Variants in ASTN2 observed in about 807,000 individuals in gnomAD.
ASTN2 encodes astrotactin 2, also known as astrotactin-2.
ASTN2 carries 54 observed loss-of-function variants against 139.8 expected under a neutral mutation model. The ratio of observed to expected loss-of-function variants is 0.39; its 90% confidence interval spans 0.31 to 0.48. ASTN2 has a LOEUF of 0.48. Ranked by LOEUF, ASTN2 falls within the 20% of genes least tolerant of loss-of-function variation. The pLI, the probability that ASTN2 is intolerant of heterozygous loss-of-function variation, is 0.95. For missense variants in ASTN2, 1,565 were observed against 1,725.1 expected (o/e 0.91, Z 1.64); for synonymous variants, 756 against 719.5 (o/e 1.05, Z -0.81).
At chr9:116,437,578 A>G in intron 22 of ASTN2, 2 of 471,102 alleles carry the variant, frequency 4.2e-6, no homozygotes, top group Non-Finnish European at 8.8e-6. Context: ...AGGCTCATAA[A>G]GGATTCCAGG....
chr9:116,976,593 C>T, intron 8 of ASTN2, 108 bp downstream of exon 8: 1 of 912,656 alleles, frequency 1.1e-6, no homozygotes, highest in Non-Finnish European at 1.7e-6. Context: ...ACTACTGTTG[C>T]AGAGAAAGAG....
intron 6 of ASTN2, among the ~76,000 whole-genome samples, chr9:117,034,927 A>G (rs1838340279): frequency 6.6e-6 from 1 of 152,178 alleles, no homozygotes; most frequent in Non-Finnish European, 1.5e-5. Flanking sequence ...GACAAGTGCT[A>G]TGTCATAATG....
chr9:116,437,269 A>G (rs977031143), intron 22 of ASTN2: 1 of 470,432 alleles, frequency 2.1e-6, no homozygotes, highest in African/African-American at 2.0e-5. Context: ...GAGGGCCAGA[A>G]AGCGGCAGAG....
chr9:117,397,962 G>A (rs1830719911), intron 1 of ASTN2, among the ~76,000 whole-genome samples: 1 of 152,194 alleles, frequency 6.6e-6, no homozygotes, highest in Non-Finnish European at 1.5e-5. Context: ...GCTGAGTTCA[G>A]TTTCTTCTAC....
chr9:117,259,094 C>A (rs560164234), intron 2 of ASTN2, among the ~76,000 whole-genome samples: 108 of 152,248 alleles, frequency 7.1e-4, no homozygotes, highest in African/African-American at 2.6e-3. Context: ...TTCCACCCTC[C>A]CAGTACCTCT....
intron 5 of ASTN2, among the ~76,000 whole-genome samples, chr9:117,085,246 T>C (rs1013040666): frequency 6.6e-6 from 1 of 152,172 alleles, no homozygotes; most frequent in Non-Finnish European, 1.5e-5. Flanking sequence ...TTCTAGAAAA[T>C]GGTCTTTGAA....
chr9:116,903,282 T>C (rs946764298), intron 10 of ASTN2, among the ~76,000 whole-genome samples: 3 of 152,214 alleles, frequency 2.0e-5, no homozygotes, highest in Non-Finnish European at 4.4e-5. Flanking sequence ...TTTACCTGTT[T>C]ATCATGCTAT....
At chr9:116,553,309 T>C (rs1472725929) in intron 19 of ASTN2, among the ~76,000 whole-genome samples, 1 of 152,166 alleles carries the variant, frequency 6.6e-6, no homozygotes, top group South Asian at 2.1e-4. Flanking sequence ...GGTGCAACTT[T>C]AGATGTTTAT....
At chr9:116,796,856 G>T (rs1165665963) in intron 13 of ASTN2, among the ~76,000 whole-genome samples, 2 of 152,102 alleles carry the variant, frequency 1.3e-5, no homozygotes, top group Non-Finnish European at 2.9e-5. Context: ...GTGTCACCCA[G>T]GCTGGAATGC....
At chr9:117,269,908 G>T (rs1834024468) in intron 2 of ASTN2, among the ~76,000 whole-genome samples, 1 of 152,172 alleles carries the variant, frequency 6.6e-6, no homozygotes, top group African/African-American at 2.4e-5. Context: ...GAGGCACTGT[G>T]CCACAAATTT....
intron 16 of ASTN2, among the ~76,000 whole-genome samples, chr9:116,704,889 A>T (rs1827951509): frequency 6.6e-6 from 1 of 152,174 alleles, no homozygotes; most frequent in African/African-American, 2.4e-5. Flanking sequence ...TTATATATAT[A>T]TGCACTAATA....
chr9:117,313,278 A>C (rs1828034783), intron 1 of ASTN2, among the ~76,000 whole-genome samples: 1 of 152,160 alleles, frequency 6.6e-6, no homozygotes, highest in Admixed American at 6.5e-5. Flanking sequence ...TTTGGTTCTG[A>C]CCTGGCTCTT....
intron 1 of ASTN2, among the ~76,000 whole-genome samples, chr9:117,382,089 G>A (rs891570434): frequency 1.3e-5 from 2 of 152,142 alleles, no homozygotes; most frequent in African/African-American, 4.8e-5. Flanking sequence ...AGAATAATGG[G>A]ATGCTGATGG....
chr9:116,921,931 A>C (rs868695347), intron 10 of ASTN2, among the ~76,000 whole-genome samples: 22 of 152,298 alleles, frequency 1.4e-4, no homozygotes, highest in Middle Eastern at 3.4e-3. Flanking sequence ...GTGGGGACAC[A>C]GCCAAACCAT....
At chr9:116,826,675 C>T (rs1831636446) in intron 11 of ASTN2, among the ~76,000 whole-genome samples, 1 of 152,130 alleles carries the variant, frequency 6.6e-6, no homozygotes. Context: ...ATCAGGCCCA[C>T]TGCTCCCACT....
chr9:116,830,617 C>A (rs142897097), intron 11 of ASTN2, among the ~76,000 whole-genome samples: 3,879 of 143,020 alleles, frequency 0.027, 185 homozygotes, highest in African/African-American at 0.094. Context: ...CATGGTGAAA[C>A]CCTGTCTCTA....
chr9:117,294,083 C>T (rs1339983156), intron 1 of ASTN2, among the ~76,000 whole-genome samples: 1 of 152,212 alleles, frequency 6.6e-6, no homozygotes, highest in East Asian at 1.9e-4. Context: ...AAGAGGCTTC[C>T]CCTTTCCATG....
chr9:116,636,842 A>G (rs894975654), intron 17 of ASTN2, among the ~76,000 whole-genome samples: 2 of 152,220 alleles, frequency 1.3e-5, no homozygotes, highest in Non-Finnish European at 2.9e-5. Flanking sequence ...CAACAGTATT[A>G]AGAGGAGTGG....
At chr9:117,217,911 G>C (rs924287986) in intron 2 of ASTN2, among the ~76,000 whole-genome samples, 1 of 152,194 alleles carries the variant, frequency 6.6e-6, no homozygotes, top group Non-Finnish European at 1.5e-5. Context: ...CCAAATGTTT[G>C]ATATGTGCTC....
Sources: gnomAD v4.1 joint callset for allele counts (sites outside exome capture counted in the v4.1 genomes callset) on GRCh38, gnomAD v4.1.1 for gene constraint, MANE v1.5 for transcripts, NCBI Gene and HGNC (gene_info 2026-07-23, HGNC 2026-07-21) for gene names.